TPD52: variants seen among roughly 807,000 people sequenced by gnomAD.
TPD52 encodes the protein tumor protein D52.
In TPD52, 17 loss-of-function variants were observed where a neutral mutation model predicts 31.3. The ratio of observed to expected loss-of-function variants is 0.54; its 90% CI spans 0.37 to 0.82. The LOEUF (loss-of-function observed/expected upper bound fraction) is 0.82. Ranked by LOEUF, TPD52 falls within the 40% of genes least tolerant of loss-of-function variation. TPD52 has a pLI of 0.00. For missense variants in TPD52, 212 were observed against 240.1 expected, an observed-to-expected ratio of 0.88 and a Z score of 0.77; for synonymous variants, 83 against 89.6, an observed-to-expected ratio of 0.93 and a Z score of 0.42.
chr8:80,143,060 TG>T (rs1351078015), intron 1 of TPD52, among the ~76,000 whole-genome samples: 2 of 152,220 alleles, frequency 1.3e-5, no homozygotes, highest in Non-Finnish European at 2.9e-5. Flanking sequence ...AGATGGGGTC[TG>T]GATCTTGACT....
chr8:80,146,470 T>C (rs1311264559), intron 1 of TPD52, among the ~76,000 whole-genome samples: 2 of 152,218 alleles, frequency 1.3e-5, no homozygotes, highest in Non-Finnish European at 2.9e-5. Context: ...CAGGTTAGCC[T>C]CAGCTTAGGC....
intron 2 of TPD52, among the ~76,000 whole-genome samples, chr8:80,058,403 A>C (rs1206140054): frequency 6.6e-6 from 1 of 152,270 alleles, no homozygotes; most frequent in Admixed American, 6.5e-5. Context: ...ACTACGCAGC[A>C]ATTTAAAATG....
chr8:80,061,372 C>G (rs532297301), intron 2 of TPD52, among the ~76,000 whole-genome samples: 1 of 110,858 alleles, frequency 9.0e-6, no homozygotes. Context: ...ACCTTCCCCC[C>G]CACCGCCCCC....
intron 1 of TPD52, among the ~76,000 whole-genome samples, chr8:80,073,995 G>A (rs1010175979): frequency 2.0e-5 from 3 of 152,144 alleles, no homozygotes; most frequent in Admixed American, 1.3e-4. Flanking sequence ...CAACTAGGAG[G>A]GAAAAAGATG....
chr8:80,068,675 A>G (rs1344396775), intron 1 of TPD52, among the ~76,000 whole-genome samples: 1 of 152,176 alleles, frequency 6.6e-6, no homozygotes, highest in African/African-American at 2.4e-5. Context: ...CCTTCCAGCA[A>G]GCTGGGTATT....
At chr8:80,159,780 T>TA (rs1373734774) in intron 1 of TPD52, among the ~76,000 whole-genome samples, 2 of 152,234 alleles carry the variant, frequency 1.3e-5, no homozygotes, top group Non-Finnish European at 2.9e-5. Context: ...CTGGAAAACT[T>TA]AATTGTAATG....
At chr8:80,139,643 T>A (rs12156127) in intron 1 of TPD52, among the ~76,000 whole-genome samples, 1 of 147,296 alleles carries the variant, frequency 6.8e-6, no homozygotes, top group Non-Finnish European at 1.5e-5. Flanking sequence ...GGGGTGGGGG[T>A]GAGGGCGGGG....
intron 1 of TPD52, among the ~76,000 whole-genome samples, chr8:80,113,369 T>C (rs1807637939): frequency 6.6e-6 from 1 of 151,648 alleles, no homozygotes; most frequent in South Asian, 2.1e-4. Flanking sequence ...TGGAAAACAG[T>C]GTGGAGGATT....
intron 1 of TPD52, among the ~76,000 whole-genome samples, chr8:80,082,076 C>T (rs1050699486): frequency 3.3e-5 from 5 of 150,614 alleles, no homozygotes; most frequent in African/African-American, 1.2e-4. Flanking sequence ...CCAAAGTTCT[C>T]GGATTACAGG....
At chr8:80,090,563 T>C (rs1470409684) in intron 1 of TPD52, among the ~76,000 whole-genome samples, 1 of 152,206 alleles carries the variant, frequency 6.6e-6, no homozygotes, top group African/African-American at 2.4e-5. Flanking sequence ...TTGGCATTCT[T>C]TTAAAAATAT....
intron 1 of TPD52, among the ~76,000 whole-genome samples, chr8:80,142,618 C>T (rs1378496838): frequency 7.3e-6 from 1 of 136,310 alleles, no homozygotes; most frequent in East Asian, 2.4e-4. Flanking sequence ...ACAAGAATTG[C>T]TTGAACCCAG....
At chr8:80,067,735 G>A (rs181291842) in intron 1 of TPD52, among the ~76,000 whole-genome samples, 1 of 151,918 alleles carries the variant, frequency 6.6e-6, no homozygotes, top group East Asian at 1.9e-4. Context: ...CTGATGGTCA[G>A]ACCTGAAAGG....
At chr8:80,144,603 T>C (rs4740119) in intron 1 of TPD52, among the ~76,000 whole-genome samples, 77,525 of 151,940 alleles carry the variant, frequency 0.51, 20,290 homozygotes, top group East Asian at 0.79. Flanking sequence ...GGTTTCTGAA[T>C]AGTGGTCTTC....
At chr8:80,136,933 C>A (rs985416296) in intron 1 of TPD52, among the ~76,000 whole-genome samples, 4 of 152,160 alleles carry the variant, frequency 2.6e-5, no homozygotes, top group African/African-American at 9.7e-5. Context: ...CCTAGTTCCA[C>A]AGGTAATGAC....
intron 1 of TPD52, among the ~76,000 whole-genome samples, chr8:80,107,834 G>A (rs1401303482): frequency 6.6e-6 from 1 of 152,054 alleles, no homozygotes; most frequent in Non-Finnish European, 1.5e-5. Flanking sequence ...AAATAAAATG[G>A]GAGTTTCTCA....
intron 2 of TPD52, among the ~76,000 whole-genome samples, chr8:80,056,355 G>A (rs1811888103): frequency 6.6e-6 from 1 of 152,218 alleles, no homozygotes; most frequent in African/African-American, 2.4e-5. Flanking sequence ...AATTGTGGGT[G>A]TTAGAGGTTG....
chr8:80,164,328 G>A (rs184468149), intron 1 of TPD52, among the ~76,000 whole-genome samples: 57 of 151,968 alleles, frequency 3.8e-4, no homozygotes, highest in Admixed American at 3.2e-3. Flanking sequence ...GAAAAGAAAA[G>A]AATGTAAGAA....
At chr8:80,057,816 T>C (rs1241472180) in intron 2 of TPD52, among the ~76,000 whole-genome samples, 1 of 151,952 alleles carries the variant, frequency 6.6e-6, no homozygotes, top group East Asian at 1.9e-4. Flanking sequence ...ATTTTTTAAA[T>C]AAAAAATTTA....
intron 1 of TPD52, among the ~76,000 whole-genome samples, chr8:80,165,619 T>C (rs1811662268): frequency 6.6e-6 from 1 of 152,158 alleles, no homozygotes; most frequent in African/African-American, 2.4e-5. Context: ...AACATTCTTA[T>C]CACAGGAAGT....
Sources: allele counts gnomAD v4.1 joint callset (sites outside exome capture counted in the v4.1 genomes callset), GRCh38; gene constraint gnomAD v4.1.1; transcripts MANE v1.5; gene names NCBI Gene and HGNC (gene_info 2026-07-23, HGNC 2026-07-21).